Variants in ZNF835 observed in about 807,000 individuals in gnomAD.
The protein encoded by ZNF835 is zinc finger protein 835.
For missense variants in ZNF835, 783 were observed against 758.4 expected (o/e 1.03, Z -0.38); for synonymous variants, 323 against 324.7 (o/e 0.99, Z 0.06).
chr19:56,664,618 T>A lies in ZNF835; in HGVS notation c.581A>T (p.His194Leu), dbSNP rs1045698310. The A allele has an allele frequency of 6.2e-7, 1 of 1,605,862 alleles. No homozygotes were observed. The highest frequency in any genetic ancestry group is 8.5e-7 in the Non-Finnish European group (1 of 1,176,488). ...GGCCTTGCCGCAGTCGGCGCAGCGG[T>A]GCGGCTTCTCGCCCGTGTGCGTGCG... ...HWRTHTGEKP[H>L]RCADCGKAFT... Residue 194 changes from histidine to leucine, a missense_variant, in exon 2 of 2, where the codon CAC (histidine) becomes CTC (leucine). His to Leu is a moderately conservative substitution (Grantham distance 99, BLOSUM62 -3). Transcript: ENST00000537055.
chr19:56,664,483 T>G lies in ZNF835; in HGVS notation c.716A>C (p.Glu239Ala), dbSNP rs752423823. ...CTCACCGGTGTGGATGCGCTGGTGC[T>G]CTATCAGGGACGAGCGGTTGCGGAA... The part of the protein sequence containing the change: ...KAFRNRSSLI[E>A]HQRIHTGEKP... Residue 239 changes from glutamate (E) to alanine (A), a missense_variant, in exon 2 of 2, where the codon GAG becomes GCG. Physicochemically the swap from Glu to Ala is moderately radical, Grantham distance 107. Transcript: ENST00000537055. 3.9e-5 allele frequency: 62 copies of G among 1,606,926 alleles called. No homozygotes were observed. The highest frequency in any genetic ancestry group is 5.2e-5 in the Non-Finnish European group (61 of 1,177,796).
intron 1 of ZNF835, among the ~76,000 whole-genome samples, chr19:56,670,792 C>G (rs1329786260): frequency 1.3e-5 from 2 of 152,222 alleles, no homozygotes; most frequent in African/African-American, 4.8e-5. Flanking sequence ...CCAGGTCACC[C>G]ATCATTGTGC....
In ZNF835 at chr19:56,664,046, T is replaced by C; in HGVS notation, c.1153A>G (p.Thr385Ala). ...SHLLQHRLVH[T>A]GERPYRCLQC... ...AGGCACCTGTAGGGCCGCTCACCGG[T>C]GTGCACGAGGCGGTGCTGGAGGAGG... Residue 385 changes from threonine (T) to alanine (A), a missense_variant, in exon 2 of 2, where the codon ACC becomes GCC. Transcript: ENST00000537055. The C allele has an allele frequency of 6.2e-7, 1 of 1,611,798 alleles. No individual in the cohort carries two copies. The highest frequency in any genetic ancestry group is 8.5e-7 in the Non-Finnish European group (1 of 1,179,258).
intron 1 of ZNF835, among the ~76,000 whole-genome samples, chr19:56,667,880 A>G (rs2045259085): frequency 1.3e-5 from 2 of 152,236 alleles, no homozygotes; most frequent in African/African-American, 2.4e-5. Context: ...ACTAGGAAGC[A>G]GCCCTCACCA....
In ZNF835 at chr19:56,663,472, C is replaced by T; in HGVS notation, c.*113G>A. The T allele has an allele frequency of 6.9e-7, 1 of 1,447,476 alleles. No individual in the cohort carries two copies. The highest frequency in any genetic ancestry group is 9.4e-7 in the Non-Finnish European group (1 of 1,061,816). 89.7% of individuals were successfully genotyped at this position (1,447,476 alleles called of 1,614,324 possible). On this transcript the variant is annotated 3_prime_UTR_variant, in exon 2 of 2. Coordinates refer to ENST00000537055, the MANE Select transcript of ZNF835 (RefSeq NM_001005850.3). ...GCCCTGTGTCTTCCCCACTGTGTGC[C>T]CTCAGGCAAGTTAACAAGCTTCTCT...
chr19:56,669,615 T>G (rs1251002187), intron 1 of ZNF835, among the ~76,000 whole-genome samples: 1 of 76,732 alleles, frequency 1.3e-5, no homozygotes, highest in Non-Finnish European at 2.4e-5. Context: ...ATAAATGTAC[T>G]TGGGGGCCTA....
rs773317202 is a variant in ZNF835 at position 56,664,046 on chromosome 19, T to A, written c.1153A>T (p.Thr385Ser). 1.4e-5 allele frequency: 23 copies of A among 1,611,798 alleles called. 1 individual carries two copies. The South Asian group carries it at 2.5e-4, about 18-fold the overall frequency. ...AGGCACCTGTAGGGCCGCTCACCGG[T>A]GTGCACGAGGCGGTGCTGGAGGAGG... Reference protein sequence around the residue: ...SHLLQHRLVHTGERPYRCLQC... With the variant: ...SHLLQHRLVHSGERPYRCLQC... The change falls in exon 2 of 2, where the codon ACC becomes TCC. Residue 385 changes from threonine (T) to serine (S), a missense_variant. Transcript: ENST00000537055.
At chr19:56,670,677 T>G (rs10422532) in intron 1 of ZNF835, among the ~76,000 whole-genome samples, 78,877 of 152,112 alleles carry the variant, frequency 0.52, 20,738 homozygotes, top group East Asian at 0.65. Context: ...GCAGTCACAC[T>G]CGGTGGATAG....
Position 56,663,460 on chromosome 19 carries a change from C to T in ZNF835, c.*125G>A. 7.4e-7 allele frequency: 1 copy of T among 1,349,648 alleles called. No homozygotes were observed. Among genetic ancestry groups the T allele is most frequent in the Non-Finnish European group, 1.0e-6 (1 of 980,352 alleles). The allele number at this position is 1,349,648 out of a possible 1,614,324, so 83.6% of individuals were successfully genotyped here. On this transcript the variant is annotated 3_prime_UTR_variant, in exon 2 of 2. Transcript: ENST00000537055. Reference sequence around the variant, plus strand: ...GGTACAGTCTTAGCCCTGTGTCTTCCCCACTGTGTGCCCTCAGGCAAGTTA... The same window carrying T: ...GGTACAGTCTTAGCCCTGTGTCTTCTCCACTGTGTGCCCTCAGGCAAGTTA...
At position 56,663,773 on chromosome 19, in the gene ZNF835, A is replaced by G; in HGVS notation, c.1426T>C (p.Cys476Arg). 2 of 1,613,952 alleles carry G rather than the reference A, an allele frequency of 1.2e-6. No individual in the cohort carries two copies. The highest frequency in any genetic ancestry group is 1.7e-6 in the Non-Finnish European group (2 of 1,179,904). Residue 476 changes from cysteine to arginine, a missense_variant, in exon 2 of 2, where the codon TGC becomes CGC. Transcript: ENST00000537055. ...IVHTGEKPYE[C>R]SGCGKAFSFS... ...CTGAAGGCCTTCCCGCAGCCGCTGCACTCGTAGGGCTTCTCCCCGGTGTGC... is the reference window on the plus strand; with the variant it reads ...CTGAAGGCCTTCCCGCAGCCGCTGCGCTCGTAGGGCTTCTCCCCGGTGTGC...
intron 1 of ZNF835, 127 bp from the exon 2 acceptor site, chr19:56,665,372 G>T: frequency 1.1e-6 from 1 of 913,718 alleles, no homozygotes; most frequent in Middle Eastern, 2.1e-4. Flanking sequence ...ATGACATTTT[G>T]GGTCCAATAA....
intron 1 of ZNF835, among the ~76,000 whole-genome samples, chr19:56,666,783 A>G (rs1424400778): frequency 6.6e-6 from 1 of 152,180 alleles, no homozygotes; most frequent in Non-Finnish European, 1.5e-5. Flanking sequence ...AAGAGGAGAC[A>G]CCAGGGGGCT....
Position 56,663,590 on chromosome 19 carries a change from CT to C in ZNF835, c.1608del (p.Asp537IlefsTer4). The C allele has an allele frequency of 1.2e-6, 2 of 1,614,022 alleles. No individual in the cohort carries two copies. The highest frequency in any genetic ancestry group is 3.3e-4 in the Middle Eastern group (2 of 6,050). ...GGAAAGGAGGCCCTCAGCTCTTAAT[CT>C]TCTGCTGGTCCACGCGGGTTTCTGC... ...CPGRNPRGPA[E>X]D On this transcript the variant is annotated frameshift_variant, in exon 2 of 2. Transcript: ENST00000537055. LOFTEE classifies it high-confidence loss of function.
At position 56,664,518 on chromosome 19, in the gene ZNF835, G is replaced by A. The variant is rs1173756332; in HGVS notation, c.681C>T (p.Cys227=). The part of the protein sequence containing the change: ...TGERPYACAQ[C]AKAFRNRSSL... ...ACGAGCGGTTGCGGAACGCCTTGGC[G>A]CACTGGGCGCACGCGTAGGGCCGCT... is the stretch of plus-strand genomic sequence containing the variant. Residue 227 remains cysteine (C), a synonymous_variant, in exon 2 of 2, where the codon TGC becomes TGT. Coordinates refer to ENST00000537055, the MANE Select transcript of ZNF835 (RefSeq NM_001005850.3). 2.5e-6 allele frequency: 4 copies of A among 1,611,204 alleles called. No homozygotes were observed. The highest frequency in any genetic ancestry group is 1.3e-5 in the African/African-American group (1 of 74,618).
chr19:56,665,056 C>T lies in ZNF835; in HGVS notation c.143G>A (p.Gly48Glu), dbSNP rs778251339. The change falls in exon 2 of 2, where the codon GGG becomes GAG. Residue 48 changes from glycine to glutamate, a missense_variant. Physicochemically the swap from Gly to Glu is moderately conservative, Grantham distance 98. Coordinates refer to ENST00000537055, the MANE Select transcript of ZNF835 (RefSeq NM_001005850.3). ...TTCATCGCGTTCCTGCATGCTGTCC[C>T]CAGCAGGGTCTCCCTTGCAGGCCAC... ...EAVACKGDPAGDSMQERDEFS... is the reference protein window; with the variant it reads ...EAVACKGDPAEDSMQERDEFS... 1.5e-5 allele frequency: 24 copies of T among 1,613,890 alleles called. No homozygotes were observed.
intron 1 of ZNF835, among the ~76,000 whole-genome samples, chr19:56,670,762 C>A (rs939992933): frequency 6.6e-6 from 1 of 152,230 alleles, no homozygotes; most frequent in Non-Finnish European, 1.5e-5. Context: ...GACAGCACGG[C>A]ACTCTACAGG....
chr19:56,666,826 G>A (rs112504796), intron 1 of ZNF835, among the ~76,000 whole-genome samples: 11 of 152,138 alleles, frequency 7.2e-5, no homozygotes, highest in East Asian at 1.9e-4. Flanking sequence ...TCCTCTCTGC[G>A]TGTGAGGACA....
Position 56,663,841 on chromosome 19 carries a change from T to C in ZNF835, c.1358A>G (p.Lys453Arg), listed in dbSNP as rs1339955084. 3 of 1,613,574 alleles carry C rather than the reference T, an allele frequency of 1.9e-6. No homozygotes were observed. The Admixed American group carries it at 5.0e-5, about 27-fold the overall frequency. The change falls in exon 2 of 2, where the codon AAG becomes AGG. Residue 453 changes from lysine (K) to arginine (R), a missense_variant. Transcript: ENST00000537055. Reference sequence around the variant, plus strand: ...CAGGTAGGAGCGGTTGCTGAAGGCCTTGCCGCACTCGGGGCAGGTGTAGGG... The same window carrying C: ...CAGGTAGGAGCGGTTGCTGAAGGCCCTGCCGCACTCGGGGCAGGTGTAGGG... ...ERPYTCPECG[K>R]AFSNRSYLIQ...
At chr19:56,665,568 G>C in intron 1 of ZNF835, 1 of 494,696 alleles carries the variant, frequency 2.0e-6, no homozygotes, top group Admixed American at 2.3e-5. Context: ...GCAGGTGGTT[G>C]CTTGAGCCCA....
Sources: allele counts gnomAD v4.1 joint callset (sites outside exome capture counted in the v4.1 genomes callset), GRCh38; gene constraint gnomAD v4.1.1; transcripts MANE v1.5; gene names NCBI Gene and HGNC (gene_info 2026-07-23, HGNC 2026-07-21).